The following MCTP2 variants were observed in gnomAD, a reference collection of about 807,000 sequenced individuals.
MCTP2 encodes multiple C2 and transmembrane domain containing 2.
In MCTP2, 132 loss-of-function variants were observed where a neutral mutation model predicts 111.6. The observed-to-expected ratio is 1.18, with a 90% CI of 1.03 to 1.37. MCTP2 has a LOEUF of 1.37. MCTP2 is among the 40% of genes most tolerant of loss of function. MCTP2 has a pLI of 0.00. For synonymous variants in MCTP2, 395 were observed against 387.7 expected, an observed-to-expected ratio of 1.02 and a Z score of -0.22; for missense variants, 1,183 against 1,067.9, an observed-to-expected ratio of 1.11 and a Z score of -1.50.
At chr15:94,252,195 C>T (rs550132646) in intron 1 of MCTP2, among the ~76,000 whole-genome samples, 80 of 152,276 alleles carry the variant, frequency 5.3e-4, no homozygotes, top group African/African-American at 1.7e-3. Context: ...ACTGCTACAT[C>T]ATTTTTCCAT....
chr15:94,396,864 T>A (rs1489097020), intron 14 of MCTP2, among the ~76,000 whole-genome samples: 1 of 152,148 alleles, frequency 6.6e-6, no homozygotes, highest in Non-Finnish European at 1.5e-5. Flanking sequence ...TAGATACTAA[T>A]ATAAACAGAT....
chr15:94,244,389 AAT>A (rs1318288069), intron 1 of MCTP2, among the ~76,000 whole-genome samples: 3 of 149,412 alleles, frequency 2.0e-5, no homozygotes, highest in African/African-American at 4.9e-5. Flanking sequence ...TATACACATA[AAT>A]ATGTATATTT....
intron 1 of MCTP2, among the ~76,000 whole-genome samples, chr15:94,284,287 C>T (rs1208335150): frequency 6.6e-6 from 1 of 152,212 alleles, no homozygotes; most frequent in East Asian, 1.9e-4. Flanking sequence ...ATTCTTCACC[C>T]ATTACTAATC....
At chr15:94,445,963 C>T (rs1422670556) in intron 19 of MCTP2, among the ~76,000 whole-genome samples, 1 of 152,166 alleles carries the variant, frequency 6.6e-6, no homozygotes, top group Non-Finnish European at 1.5e-5. Context: ...GCACAACTTC[C>T]TCAGGAGATG....
chr15:94,281,117 T>C (rs558585162), intron 1 of MCTP2, among the ~76,000 whole-genome samples: 1 of 152,164 alleles, frequency 6.6e-6, no homozygotes, highest in Non-Finnish European at 1.5e-5. Context: ...GTCTCAAATA[T>C]CTTTCTTAGT....
chr15:94,243,294 C>T lies in MCTP2; in HGVS notation c.-66+11630C>T, dbSNP rs143222100. ...ATGCGTACATACGTATGCGTATATG[C>T]ATATATACATACATACGTATGCGTA... On this transcript the variant is annotated intron_variant, in intron 1 of 22. Coordinates refer to ENST00000357742, the MANE Select transcript of MCTP2 (RefSeq NM_001385001.1). Among the ~76,000 whole-genome samples, 520 of 146,090 alleles carry T rather than the reference C, an allele frequency of 3.6e-3. 1 individual carries two copies. Among genetic ancestry groups the T allele is most frequent in the Non-Finnish European group, 6.5e-3 (433 of 66,110 alleles).
chr15:94,424,978 C>G (rs1466297762), intron 17 of MCTP2, among the ~76,000 whole-genome samples: 1 of 151,640 alleles, frequency 6.6e-6, no homozygotes, highest in Non-Finnish European at 1.5e-5. Flanking sequence ...TTTTTTCATG[C>G]TGTTTGTTTT....
chr15:94,342,538 G>T (rs1293206640), intron 7 of MCTP2: 1 of 151,700 alleles, frequency 6.6e-6, no homozygotes, highest in Non-Finnish European at 1.5e-5. Context: ...GAAGCCTAGT[G>T]TACACTATAT....
chr15:94,386,802 A>AAC, intron 14 of MCTP2, among the ~76,000 whole-genome samples: 1 of 151,090 alleles, frequency 6.6e-6, no homozygotes, highest in Admixed American at 6.6e-5. Flanking sequence ...AACATGACTT[A>AAC]AAAACAAAAC....
At chr15:94,436,865 TC>T (rs140677125) in intron 17 of MCTP2, among the ~76,000 whole-genome samples, 21,189 of 149,414 alleles carry the variant, frequency 0.14, 1,570 homozygotes, top group East Asian at 0.26. Flanking sequence ...AAACCCTTAA[TC>T]CCCCCAAAAA....
rs572758193 is a variant in MCTP2 at position 94,461,498 on chromosome 15, A to G, written c.2360+3252A>G. Among the ~76,000 whole-genome samples the G allele has an allele frequency of 3.3e-5, 5 of 152,266 alleles. No individual in the cohort carries two copies. In the East Asian group the frequency reaches 7.7e-4, roughly 24 times the overall value. On this transcript the variant is annotated intron_variant, in intron 20 of 22. Coordinates refer to ENST00000357742, the MANE Select transcript of MCTP2 (RefSeq NM_001385001.1). ...AAAAACCAAAAACCATGCAGCATTT[A>G]TGCTAGACAGCAGGCAGAGTGGTGC... is the stretch of plus-strand genomic sequence containing the variant.
chr15:94,240,377 A>G (rs1039383376), intron 1 of MCTP2, among the ~76,000 whole-genome samples: 2 of 152,108 alleles, frequency 1.3e-5, no homozygotes, highest in Non-Finnish European at 2.9e-5. Context: ...ATTTGATTTC[A>G]AGCTAGTGCT....
intron 8 of MCTP2, among the ~76,000 whole-genome samples, chr15:94,351,281 G>T (rs2078288920): frequency 6.6e-6 from 1 of 152,216 alleles, no homozygotes; most frequent in Non-Finnish European, 1.5e-5. Context: ...GAGCTGCAGA[G>T]AAGAATTTTC....
rs916086607 is a variant in MCTP2, at chr15:94,369,845, G to T, written c.1489-242G>T. Among the ~76,000 whole-genome samples, 9 of 152,238 alleles carry T rather than the reference G, an allele frequency of 5.9e-5. No individual in the cohort carries two copies. The South Asian group carries it at 1.2e-3, about 21-fold the overall frequency. ...CAGGGGCGATGTTAAAAGTAGATTCGATGTGCTTCTAATTGGTTTATTTTA... is the reference window on the plus strand; with the variant it reads ...CAGGGGCGATGTTAAAAGTAGATTCTATGTGCTTCTAATTGGTTTATTTTA... On this transcript the variant is annotated intron_variant, in intron 11 of 22. Transcript: ENST00000357742.
At chr15:94,233,859 CACTT>C (rs1436083564) in intron 1 of MCTP2, among the ~76,000 whole-genome samples, 6 of 152,224 alleles carry the variant, frequency 3.9e-5, no homozygotes, top group East Asian at 3.9e-4. Flanking sequence ...TTGTGGAAAA[CACTT>C]GCTTTCTTAA....
chr15:94,477,845 A>G (rs1461833323), intron 22 of MCTP2, among the ~76,000 whole-genome samples: 1 of 152,190 alleles, frequency 6.6e-6, no homozygotes, highest in African/African-American at 2.4e-5. Context: ...TTTACTCTTT[A>G]ACATTTGTAT....
intron 21 of MCTP2, among the ~76,000 whole-genome samples, chr15:94,475,220 G>A (rs1040159159): frequency 6.6e-6 from 1 of 152,154 alleles, no homozygotes; most frequent in Non-Finnish European, 1.5e-5. Context: ...CTAGAAACGT[G>A]AAGCTTGCTG....
chr15:94,275,135 AG>A (rs1180878727), intron 1 of MCTP2, among the ~76,000 whole-genome samples: 1 of 152,202 alleles, frequency 6.6e-6, no homozygotes. Flanking sequence ...TTATCAAACT[AG>A]AAATAGAAGA....
intron 1 of MCTP2, among the ~76,000 whole-genome samples, chr15:94,245,603 C>G (rs572594998): frequency 1.4e-5 from 2 of 141,918 alleles, no homozygotes; most frequent in African/African-American, 5.2e-5. Context: ...CGTATATAGA[C>G]ATATACATAT....
Sources: allele counts gnomAD v4.1 joint callset (sites outside exome capture counted in the v4.1 genomes callset), GRCh38; gene constraint gnomAD v4.1.1; transcripts MANE v1.5; gene names NCBI Gene and HGNC (gene_info 2026-07-23, HGNC 2026-07-21).